The following ARL15 variants were observed in gnomAD, a reference collection of about 807,000 sequenced individuals.
ARL15 encodes ARF like GTPase 15, also known as ADP-ribosylation factor-like protein 15.
ARL15 carries 19 observed loss-of-function variants against 25.2 expected under a neutral mutation model. The observed-to-expected ratio is 0.75, with a 90% CI of 0.53 to 1.10. The LOEUF is 1.10. Among genes scored for constraint, ARL15 ranks in the 50% least tolerant of loss-of-function variants. ARL15 has a pLI of 0.00. For synonymous variants in ARL15, 94 were observed against 86.8 expected (o/e 1.08, Z -0.46); for missense variants, 220 against 246.0 (o/e 0.89, Z 0.71).
chr5:54,090,595 C>T (rs150909306), intron 4 of ARL15, among the ~76,000 whole-genome samples: 1 of 151,522 alleles, frequency 6.6e-6, no homozygotes, highest in African/African-American at 2.4e-5. Context: ...TCTAATACTA[C>T]TCTTTAAACT....
In ARL15 at chr5:54,207,189, G is replaced by T. The variant is rs561734579; in HGVS notation, c.49-35261C>A. Among the ~76,000 whole-genome samples the T allele has an allele frequency of 3.3e-5, 5 of 152,316 alleles. No homozygotes were observed. The South Asian group carries it at 8.3e-4, about 25-fold the overall frequency. On this transcript the variant is annotated intron_variant, in intron 1 of 4. Coordinates refer to ENST00000504924, the MANE Select transcript of ARL15 (RefSeq NM_019087.3). ...ACTGGACAGTAGGTGCACAAGATGT[G>T]GCACGATACTAACTCCCATGGCCCC...
intron 2 of ARL15, among the ~76,000 whole-genome samples, chr5:54,168,457 ATTGTT>A (rs1754638015): frequency 6.6e-6 from 1 of 150,930 alleles, no homozygotes; most frequent in Non-Finnish European, 1.5e-5. Flanking sequence ...CTCATATTTG[ATTGTT>A]TTATCTTCCT....
chr5:54,041,258 A>G (rs1561199369), intron 4 of ARL15, among the ~76,000 whole-genome samples: 1 of 152,210 alleles, frequency 6.6e-6, no homozygotes, highest in Non-Finnish European at 1.5e-5. Context: ...AGTGAAGGTC[A>G]AAGAATGCAA....
intron 4 of ARL15, among the ~76,000 whole-genome samples, chr5:54,039,799 C>CAAAA (rs1750277890): frequency 3.7e-5 from 1 of 27,132 alleles, no homozygotes; most frequent in Non-Finnish European, 7.4e-5. Flanking sequence ...AAGACTCTGT[C>CAAAA]TAAAAAAAAA....
intron 2 of ARL15, among the ~76,000 whole-genome samples, chr5:54,157,473 G>A (rs1169335089): frequency 1.3e-5 from 2 of 151,988 alleles, no homozygotes; most frequent in East Asian, 1.9e-4. Context: ...GTACAGTGGC[G>A]TGGTCTCGGC....
Position 53,972,218 on chromosome 5 carries a change from C to G in ARL15, c.463-85505G>C, listed in dbSNP as rs1412165328. On this transcript the variant is annotated intron_variant, in intron 4 of 4. Coordinates refer to ENST00000504924, the MANE Select transcript of ARL15 (RefSeq NM_019087.3). ...TGGATCATAAATGTAAATAATTAGG[C>G]AAAGCAAACGTTCTTCATACTTTTA... Among the ~76,000 whole-genome samples the G allele has an allele frequency of 1.3e-5, 2 of 152,046 alleles. 1 individual carries two copies. The highest frequency in any genetic ancestry group is 4.2e-4 in the South Asian group (2 of 4,818).
chr5:54,153,839 A>C (rs1298999216), intron 3 of ARL15, among the ~76,000 whole-genome samples: 1 of 152,222 alleles, frequency 6.6e-6, no homozygotes, highest in Non-Finnish European at 1.5e-5. Flanking sequence ...AACAAAACAA[A>C]ACAAGGTAAG....
intron 1 of ARL15, among the ~76,000 whole-genome samples, chr5:54,306,360 T>C (rs1264733390): frequency 2.6e-5 from 4 of 151,792 alleles, no homozygotes; most frequent in Admixed American, 2.6e-4. Context: ...GGTATAAAAG[T>C]AACATCAGCA....
At chr5:54,261,083 G>C (rs151017443) in intron 1 of ARL15, among the ~76,000 whole-genome samples, 105 of 152,306 alleles carry the variant, frequency 6.9e-4, no homozygotes, top group African/African-American at 2.4e-3. Context: ...TGCAAGTGGG[G>C]AAGTGTGAGA....
At chr5:54,060,148 A>AAAAC (rs1393732924) in intron 4 of ARL15, among the ~76,000 whole-genome samples, 2 of 150,826 alleles carry the variant, frequency 1.3e-5, no homozygotes, top group Non-Finnish European at 2.9e-5. Flanking sequence ...AAAAAAAAAA[A>AAAAC]AAAACCCCGG....
chr5:54,127,557 T>C (rs1290081231), intron 3 of ARL15, among the ~76,000 whole-genome samples: 5 of 151,472 alleles, frequency 3.3e-5, no homozygotes, highest in Non-Finnish European at 7.4e-5. Context: ...TGCTCATGGG[T>C]AGGAAGAATC....
chr5:53,898,476 G>A (rs576241569), intron 4 of ARL15, among the ~76,000 whole-genome samples: 4 of 152,166 alleles, frequency 2.6e-5, no homozygotes, highest in Non-Finnish European at 5.9e-5. Flanking sequence ...GTTTTTACTT[G>A]TTATAGGTCT....
intron 4 of ARL15, among the ~76,000 whole-genome samples, chr5:53,979,338 G>T (rs958786987): frequency 8.6e-5 from 13 of 152,024 alleles, no homozygotes; most frequent in African/African-American, 3.1e-4. Flanking sequence ...TTTGAGACTA[G>T]CCTGGGCAAC....
At chr5:53,971,108 T>C (rs903296278) in intron 4 of ARL15, among the ~76,000 whole-genome samples, 7 of 152,082 alleles carry the variant, frequency 4.6e-5, no homozygotes, top group African/African-American at 1.7e-4. Flanking sequence ...ATTATAAATG[T>C]TAAAAGTAAT....
chr5:53,966,543 C>T (rs1353613660), intron 4 of ARL15, among the ~76,000 whole-genome samples: 1 of 152,164 alleles, frequency 6.6e-6, no homozygotes, highest in African/African-American at 2.4e-5. Context: ...AACTGGTGTG[C>T]TGTTGGGACA....
intron 4 of ARL15, among the ~76,000 whole-genome samples, chr5:54,055,070 G>A (rs927309752): frequency 2.6e-5 from 4 of 152,050 alleles, no homozygotes. Flanking sequence ...AGAGTTTTGC[G>A]ACCATCACCG....
intron 1 of ARL15, among the ~76,000 whole-genome samples, chr5:54,253,980 C>A (rs1757304032): frequency 6.6e-6 from 1 of 152,190 alleles, no homozygotes; most frequent in African/African-American, 2.4e-5. Context: ...TTTTGGCAAT[C>A]TTTGAAGATC....
chr5:54,079,403 G>C (rs1239157531), intron 4 of ARL15, among the ~76,000 whole-genome samples: 2 of 152,124 alleles, frequency 1.3e-5, no homozygotes, highest in African/African-American at 4.8e-5. Flanking sequence ...CCAATATTAA[G>C]TGCTAATGCA....
chr5:54,218,921 T>C (rs62372190), intron 1 of ARL15, among the ~76,000 whole-genome samples: 2,814 of 151,858 alleles, frequency 0.019, 40 homozygotes, highest in Non-Finnish European at 0.026. Context: ...CCATTAATAA[T>C]GTAAAATATA....
Sources: gnomAD v4.1 joint callset for allele counts (sites outside exome capture counted in the v4.1 genomes callset) on GRCh38, gnomAD v4.1.1 for gene constraint, MANE v1.5 for transcripts, NCBI Gene and HGNC (gene_info 2026-07-23, HGNC 2026-07-21) for gene names.